RPS6KC1: variants seen among roughly 807,000 people sequenced by gnomAD.
RPS6KC1 encodes ribosomal protein S6 kinase C1, also known as inactive ribosomal protein S6 kinase delta-1.
RPS6KC1 carries 54 observed loss-of-function variants against 103.8 expected under a neutral mutation model. The ratio of observed to expected loss-of-function variants is 0.52; its 90% CI spans 0.42 to 0.65. The LOEUF is 0.65. Ranked by LOEUF, RPS6KC1 falls within the 30% of genes least tolerant of loss-of-function variation. RPS6KC1 has a pLI of 0.00. For missense variants in RPS6KC1, 1,151 were observed against 1,253.8 expected (o/e 0.92, Z 1.24); for synonymous variants, 439 against 438.7 (o/e 1.00, Z -0.01).
At chr1:213,757,151 C>A in the RPS6KC1 span, among the ~76,000 whole-genome samples, 12 of 152,146 alleles carry the variant, frequency 7.9e-5, no homozygotes, top group African/African-American at 2.7e-4. Flanking sequence ...CCACAGCAGC[C>A]ACTAAATGTT....
intron 3 of RPS6KC1, among the ~76,000 whole-genome samples, chr1:213,092,689 A>G (rs1016884146): frequency 1.3e-5 from 2 of 152,016 alleles, no homozygotes; most frequent in African/African-American, 2.4e-5. Flanking sequence ...AAAAAAAAGA[A>G]ATACACTTGT....
intron 8 of RPS6KC1, among the ~76,000 whole-genome samples, chr1:213,182,108 T>C (rs1012517993): frequency 6.6e-6 from 1 of 152,170 alleles, no homozygotes; most frequent in African/African-American, 2.4e-5. Flanking sequence ...CTTGAAATGG[T>C]AAAATGATGA....
the RPS6KC1 span, among the ~76,000 whole-genome samples, chr1:213,789,207 A>G: frequency 7.9e-4 from 121 of 152,278 alleles, 2 homozygotes; most frequent in African/African-American, 2.9e-3. Flanking sequence ...TTGCACACCA[A>G]CTATTAATTA....
chr1:213,129,904 A>G lies in RPS6KC1; in HGVS notation c.835+15A>G. ...AGGTGTTCAAGGTATGGTTTTATGT[A>G]TATTATGTTTTGGCATGCTCTTTTG... is the stretch of plus-strand genomic sequence containing the variant. On this transcript the variant is annotated intron_variant, in intron 6 of 14. Coordinates refer to ENST00000366960, the MANE Select transcript of RPS6KC1 (RefSeq NM_012424.6). 1 of 1,562,538 alleles carries G rather than the reference A, an allele frequency of 6.4e-7. No individual in the cohort carries two copies. The highest frequency in any genetic ancestry group is 8.6e-7 in the Non-Finnish European group (1 of 1,163,976).
chr1:213,376,816 C>A, the RPS6KC1 span, among the ~76,000 whole-genome samples: 1 of 152,160 alleles, frequency 6.6e-6, no homozygotes, highest in Non-Finnish European at 1.5e-5. Context: ...ATCAACACCC[C>A]CAAAGTTAGG....
At chr1:213,720,876 A>C in the RPS6KC1 span, among the ~76,000 whole-genome samples, 1 of 152,224 alleles carries the variant, frequency 6.6e-6, no homozygotes, top group Non-Finnish European at 1.5e-5. Context: ...AATATAATGC[A>C]TCAAAGCACA....
the RPS6KC1 span, chr1:213,731,698 A>T: frequency 6.6e-6 from 1 of 152,210 alleles, no homozygotes; most frequent in Admixed American, 6.5e-5. Flanking sequence ...CTCCAAAAAT[A>T]TGTGCATCTA....
chr1:213,148,153 C>A (rs780803481), intron 6 of RPS6KC1, among the ~76,000 whole-genome samples: 1 of 152,192 alleles, frequency 6.6e-6, no homozygotes, highest in Non-Finnish European at 1.5e-5. Context: ...GATAATTTGA[C>A]TTCTTCCTTT....
the RPS6KC1 span, among the ~76,000 whole-genome samples, chr1:213,826,054 T>C: frequency 6.6e-6 from 1 of 152,218 alleles, no homozygotes; most frequent in Non-Finnish European, 1.5e-5. Flanking sequence ...ATCTTCAAAA[T>C]GATTTACTAA....
At chr1:213,597,265 A>T in the RPS6KC1 span, among the ~76,000 whole-genome samples, 21 of 152,244 alleles carry the variant, frequency 1.4e-4, no homozygotes, top group African/African-American at 5.1e-4. Context: ...AGAAAATGTT[A>T]AGCTGATATT....
chr1:213,134,986 A>G (rs2086108121), intron 6 of RPS6KC1, among the ~76,000 whole-genome samples: 1 of 152,138 alleles, frequency 6.6e-6, no homozygotes, highest in Non-Finnish European at 1.5e-5. Context: ...GAAAGCAGAC[A>G]TTCTTGTCTT....
chr1:213,741,294 T>C, the RPS6KC1 span, among the ~76,000 whole-genome samples: 3 of 152,084 alleles, frequency 2.0e-5, no homozygotes, highest in Non-Finnish European at 4.4e-5. Context: ...TTTTGACATA[T>C]ACAATGTATT....
chr1:213,854,698 A>T, the RPS6KC1 span, among the ~76,000 whole-genome samples: 1 of 152,126 alleles, frequency 6.6e-6, no homozygotes, highest in Non-Finnish European at 1.5e-5. Flanking sequence ...TGCAAAATAA[A>T]TGTCAGTCCC....
chr1:213,625,566 C>G, the RPS6KC1 span, among the ~76,000 whole-genome samples: 1 of 152,304 alleles, frequency 6.6e-6, no homozygotes, highest in African/African-American at 2.4e-5. Context: ...TCTCCAAATG[C>G]TATCCCTCCT....
At chr1:213,201,475 T>A (rs1573229362) in intron 8 of RPS6KC1, among the ~76,000 whole-genome samples, 1 of 152,034 alleles carries the variant, frequency 6.6e-6, no homozygotes, top group African/African-American at 2.4e-5. Flanking sequence ...AGTGGTGGAG[T>A]GCAGAGGATT....
intron 12 of RPS6KC1, among the ~76,000 whole-genome samples, chr1:213,257,786 C>CTTTTTTTTTTTTTTT (rs71147062): frequency 2.0e-5 from 1 of 49,426 alleles, no homozygotes; most frequent in African/African-American, 7.8e-5. Flanking sequence ...ACAGGTAAAA[C>CTTTTTTTTTTTTTTT]TTTTTTTTTT....
At chr1:213,715,610 A>G in the RPS6KC1 span, among the ~76,000 whole-genome samples, 7 of 152,388 alleles carry the variant, frequency 4.6e-5, no homozygotes, top group African/African-American at 1.4e-4. Context: ...GAAAATTCAC[A>G]GAGAGCTTTA....
At chr1:213,328,502 T>C in the RPS6KC1 span, among the ~76,000 whole-genome samples, 34 of 33,670 alleles carry the variant, frequency 1.0e-3, no homozygotes, top group Admixed American at 3.2e-3. Flanking sequence ...TCAGCCATTA[T>C]ACTATATATA....
At chr1:213,768,952 G>A in the RPS6KC1 span, among the ~76,000 whole-genome samples, 1 of 152,218 alleles carries the variant, frequency 6.6e-6, no homozygotes, top group Non-Finnish European at 1.5e-5. Flanking sequence ...TTAAAGGGGA[G>A]AGTGAAGATA....
Sources: allele counts gnomAD v4.1 joint callset (sites outside exome capture counted in the v4.1 genomes callset), GRCh38; gene constraint gnomAD v4.1.1; transcripts MANE v1.5; gene names NCBI Gene and HGNC (gene_info 2026-07-23, HGNC 2026-07-21).